PCDH11Y: variants seen among roughly 807,000 people sequenced by gnomAD.
PCDH11Y encodes the protein protocadherin 11 Y-linked.
For missense variants in PCDH11Y, 12 were observed against 224.8 expected (o/e 0.05, Z 6.05); for synonymous variants, 9 against 83.6 (o/e 0.11, Z 4.87).
rs1602903621 is a variant in PCDH11Y at position 5,318,179 on chromosome Y, T to C, written c.3130-182878T>C. Among the ~76,000 whole-genome samples the C allele has an allele frequency of 1.2e-4, 4 of 33,198 alleles. No homozygotes were observed. In the East Asian group the frequency reaches 3.2e-3, roughly 26 times the overall value. 89.1% of individuals were successfully genotyped at this position (33,198 alleles called of 37,273 possible). On this transcript the variant is annotated intron_variant, in intron 2 of 4. Transcript: ENST00000400457. ...CTAGTAAAAAGTGAATAGGCACAAATGTCTCCTATGATTTTATACCTAATC... is the reference window on the plus strand; with the variant it reads ...CTAGTAAAAAGTGAATAGGCACAAACGTCTCCTATGATTTTATACCTAATC...
At chrY:5,082,542 T>C in intron 1 of PCDH11Y, among the ~76,000 whole-genome samples, 1 of 33,244 alleles carries the variant, frequency 3.0e-5, no homozygotes, top group African/African-American at 1.2e-4. Flanking sequence ...AAGCTATTTA[T>C]TACTCCTTCA....
chrY:5,426,320 C>T, intron 2 of PCDH11Y, among the ~76,000 whole-genome samples: 3 of 33,002 alleles, frequency 9.1e-5, no homozygotes. Flanking sequence ...CCAAATTTGG[C>T]ATCATTGCAG....
chrY:5,672,973 A>G (rs2053550879), intron 4 of PCDH11Y, among the ~76,000 whole-genome samples: 1 of 30,385 alleles, frequency 3.3e-5, no homozygotes, highest in African/African-American at 1.3e-4. Context: ...ATTATCATTC[A>G]ATAGGTGGAG....
rs1425278532 is a variant in PCDH11Y, at chrY:5,045,240, T to C, written c.33-11649T>C. On this transcript the variant is annotated intron_variant, in intron 3 of 5. Coordinates refer to the PCDH11Y transcript ENST00000333703. Reference sequence around the variant, plus strand: ...TTTACATTTTGGCATGATTTTGCAGTGGCTGGTACCGGTTGTTCCTTTCCA... The same window carrying C: ...TTTACATTTTGGCATGATTTTGCAGCGGCTGGTACCGGTTGTTCCTTTCCA... Among the ~76,000 whole-genome samples, 98 of 33,521 alleles carry C rather than the reference T, an allele frequency of 2.9e-3. No homozygotes were observed. The East Asian group carries it at 0.074, about 25-fold the overall frequency. The allele number at this position is 33,521 out of a possible 37,273, so 89.9% of individuals were successfully genotyped here.
At chrY:5,708,232 T>A in intron 4 of PCDH11Y, among the ~76,000 whole-genome samples, 1 of 33,136 alleles carries the variant, frequency 3.0e-5, no homozygotes, top group Non-Finnish European at 7.5e-5. Flanking sequence ...ACACCAGACC[T>A]CTCCTACAAA....
At chrY:5,439,079 A>T (rs1602925553) in intron 2 of PCDH11Y, among the ~76,000 whole-genome samples, 3 of 32,200 alleles carry the variant, frequency 9.3e-5, no homozygotes, top group East Asian at 1.7e-3. Context: ...CGTTTAGGAT[A>T]ATGGTCTCTA....
intron 2 of PCDH11Y, among the ~76,000 whole-genome samples, chrY:5,317,300 A>G (rs2124665337): frequency 3.0e-5 from 1 of 33,215 alleles, no homozygotes; most frequent in South Asian, 6.7e-4. Context: ...TTTGAATAGG[A>G]GGCAGATTTG....
intron 3 of PCDH11Y, among the ~76,000 whole-genome samples, chrY:5,049,755 G>T: frequency 3.2e-5 from 1 of 31,351 alleles, no homozygotes; most frequent in Non-Finnish European, 7.7e-5. Flanking sequence ...TAGAGACGGG[G>T]TTTCACCATG....
chrY:5,280,601 G>A, intron 2 of PCDH11Y, among the ~76,000 whole-genome samples: 4 of 31,363 alleles, frequency 1.3e-4, no homozygotes, highest in Admixed American at 1.2e-3. Context: ...ATAATAGAAT[G>A]ATTTATATTC....
At chrY:5,535,233 T>C (rs1602939537) in intron 3 of PCDH11Y, among the ~76,000 whole-genome samples, 225 of 32,040 alleles carry the variant, frequency 7.0e-3, no homozygotes, top group Admixed American at 0.019. Context: ...TTCTTTTTTT[T>C]TTTTTTTACA....
chrY:5,139,826 G>A (rs2052846116), intron 2 of PCDH11Y, among the ~76,000 whole-genome samples: 3 of 18,294 alleles, frequency 1.6e-4, no homozygotes, highest in African/African-American at 2.3e-4. Context: ...ACTACCAAAA[G>A]CAATCTACAG....
At chrY:5,017,774 C>G in intron 1 of PCDH11Y, among the ~76,000 whole-genome samples, 5 of 32,728 alleles carry the variant, frequency 1.5e-4, no homozygotes, top group Admixed American at 2.8e-4. Context: ...ACTTCTGTGC[C>G]TCTGTGAAGC....
intron 2 of PCDH11Y, among the ~76,000 whole-genome samples, chrY:5,140,842 ATT>A (rs1175055125): frequency 7.4e-5 from 2 of 27,152 alleles, no homozygotes. Context: ...AATCAAACTG[ATT>A]TTTTTTTTTT....
At chrY:5,242,885 A>G in intron 2 of PCDH11Y, among the ~76,000 whole-genome samples, 1 of 34,016 alleles carries the variant, frequency 2.9e-5, no homozygotes, top group Non-Finnish European at 7.3e-5. Flanking sequence ...CAAAAAATCA[A>G]TATTAACATC....
intron 3 of PCDH11Y, among the ~76,000 whole-genome samples, chrY:5,525,023 C>CT (rs2053385207): frequency 8.4e-5 from 2 of 23,755 alleles, no homozygotes; most frequent in African/African-American, 1.7e-4. Flanking sequence ...TAGTGTTGCA[C>CT]TTTTTTTAAA....
At chrY:5,337,944 C>T in intron 2 of PCDH11Y, 1 of 394,741 alleles carries the variant, frequency 2.5e-6, no homozygotes, top group South Asian at 3.0e-5. Flanking sequence ...ACTAAAGAAA[C>T]CTGCTGCACA....
intron 2 of PCDH11Y, among the ~76,000 whole-genome samples, chrY:5,149,502 C>A (rs2052861449): frequency 3.5e-5 from 1 of 28,461 alleles, no homozygotes; most frequent in Non-Finnish European, 8.3e-5. Context: ...GAAGACTGAG[C>A]AAATACTGTA....
intron 1 of PCDH11Y, among the ~76,000 whole-genome samples, chrY:5,090,822 T>C: frequency 6.1e-5 from 2 of 33,053 alleles, no homozygotes. Flanking sequence ...GGTTCTGTAA[T>C]AAACCAGCTG....
At chrY:5,704,573 G>T in intron 4 of PCDH11Y, among the ~76,000 whole-genome samples, 1 of 29,865 alleles carries the variant, frequency 3.3e-5, no homozygotes, top group Admixed American at 3.1e-4. Context: ...TGGGACTACA[G>T]CGCCCACCAC....
Sources: gnomAD v4.1 joint callset for allele counts (sites outside exome capture counted in the v4.1 genomes callset) on GRCh38, gnomAD v4.1.1 for gene constraint, MANE v1.5 for transcripts, NCBI Gene and HGNC (gene_info 2026-07-23, HGNC 2026-07-21) for gene names.